Variants in ZNF131 observed in about 807,000 individuals in gnomAD.
ZNF131 encodes zinc finger protein 131.
In ZNF131, 7 loss-of-function variants were observed where a neutral mutation model predicts 60.0. The observed-to-expected ratio is 0.12, with a 90% CI of 0.07 to 0.22. The LOEUF is 0.22. Ranked by LOEUF, ZNF131 falls within the 10% of genes least tolerant of loss-of-function variation. ZNF131 has a pLI of 1.00. For synonymous variants in ZNF131, 257 were observed against 253.2 expected (o/e 1.01, Z -0.14); for missense variants, 493 against 740.9 (o/e 0.67, Z 3.88).
At chr5:43,147,847 G>A (rs1226716978) in intron 4 of ZNF131, among the ~76,000 whole-genome samples, 2 of 151,804 alleles carry the variant, frequency 1.3e-5, no homozygotes, top group Middle Eastern at 3.4e-3. Flanking sequence ...CTGAGGTCAC[G>A]AGTTTGAGAC....
At chr5:43,130,379 T>A (rs916901707) in intron 3 of ZNF131, among the ~76,000 whole-genome samples, 1 of 151,252 alleles carries the variant, frequency 6.6e-6, no homozygotes, top group Non-Finnish European at 1.5e-5. Flanking sequence ...AAAGAAATAA[T>A]GTATACATTT....
At chr5:43,131,319 T>G (rs1745326988) in intron 3 of ZNF131, among the ~76,000 whole-genome samples, 1 of 151,978 alleles carries the variant, frequency 6.6e-6, no homozygotes, top group Non-Finnish European at 1.5e-5. Flanking sequence ...ATTACAGGCG[T>G]GCACCACCAC....
rs36054171 is a variant in ZNF131, at chr5:43,149,260, G to GAA, written c.371+9962_371+9963dup. Among the ~76,000 whole-genome samples, 3 of 142,122 alleles carry GAA rather than the reference G, an allele frequency of 2.1e-5. No individual in the cohort carries two copies. In the South Asian group the frequency reaches 6.6e-4, roughly 31 times the overall value. The allele number at this position is 142,122 out of a possible 152,430, so 93.2% of individuals were successfully genotyped here. A position where few individuals can be genotyped will look rare whatever the true frequency, so the allele number is the denominator to read the frequency against. The stretch of plus-strand genomic sequence containing the variant: ...CACTCCAGCCTGGGAGACAGAGGGA[G>GAA]AAAAAAAAAAAAGGCTGGGCACGGT... On this transcript the variant is annotated intron_variant, in intron 4 of 6. Coordinates refer to ENST00000682664, the MANE Select transcript of ZNF131 (RefSeq NM_001330707.2).
At chr5:43,123,353 G>A in intron 3 of ZNF131, 43 bp downstream of exon 3, 2 of 1,517,106 alleles carry the variant, frequency 1.3e-6, no homozygotes, top group Middle Eastern at 1.7e-4. Context: ...AATCAAAGAA[G>A]CCATTTTATT....
intron 5 of ZNF131, among the ~76,000 whole-genome samples, chr5:43,168,467 G>T (rs1040318123): frequency 5.3e-5 from 8 of 152,196 alleles, no homozygotes; most frequent in African/African-American, 1.9e-4. Flanking sequence ...TGGCCAAAGG[G>T]GTTGGAAGGG....
Position 43,134,693 on chromosome 5 carries a change from C to CTTTTT in ZNF131, c.227-4454_227-4450dup, listed in dbSNP as rs149464238. Among the ~76,000 whole-genome samples, 96 of 88,402 alleles carry CTTTTT rather than the reference C, an allele frequency of 1.1e-3. 2 individuals are homozygous for CTTTTT. Among genetic ancestry groups the CTTTTT allele is most frequent in the Admixed American group, 2.4e-3 (14 of 5,896 alleles). The allele number at this position is 88,402 out of a possible 152,430, so 58.0% of individuals were successfully genotyped here. ...AAAAGTCAGTTGCTTTTCTTTTTTT[C>CTTTTT]TTTTTTTTTTTTTTTTTTTTTTGGG... On this transcript the variant is annotated intron_variant, in intron 3 of 6. Transcript: ENST00000682664.
chr5:43,130,277 AAAAAAG>A (rs1385155525), intron 3 of ZNF131, among the ~76,000 whole-genome samples: 2 of 148,558 alleles, frequency 1.3e-5, no homozygotes, highest in Non-Finnish European at 3.0e-5. Context: ...AAAAAAAAAA[AAAAAAG>A]AGGAAAGTAG....
At chr5:43,131,642 C>T (rs1745369701) in intron 3 of ZNF131, among the ~76,000 whole-genome samples, 1 of 152,142 alleles carries the variant, frequency 6.6e-6, no homozygotes, top group South Asian at 2.1e-4. Flanking sequence ...TTAAGATTTT[C>T]TAGCTAATAT....
chr5:43,130,653 C>T (rs1745226035), intron 3 of ZNF131, among the ~76,000 whole-genome samples: 1 of 151,854 alleles, frequency 6.6e-6, no homozygotes, highest in Admixed American at 6.6e-5. Flanking sequence ...CAACCTCCGC[C>T]TCCCGGGTTC....
At position 43,140,993 on chromosome 5, in the gene ZNF131, A is replaced by G. The variant is rs2112268114; in HGVS notation, c.371+1684A>G. 1.3e-5 allele frequency among the ~76,000 whole-genome samples: 2 copies of G among 152,326 alleles called. 1 individual carries two copies. On this transcript the variant is annotated intron_variant, in intron 4 of 6. Transcript: ENST00000682664. ...CTCAGCCTCCCAAAGTGCTGGGATT[A>G]CAGGTGTGAGCCACTGTGACTGGCC...
At chr5:43,126,228 T>C (rs1744532094) in intron 3 of ZNF131, among the ~76,000 whole-genome samples, 2 of 152,244 alleles carry the variant, frequency 1.3e-5, no homozygotes, top group South Asian at 4.1e-4. Flanking sequence ...CATTTGAATA[T>C]TTTGTTACAA....
At chr5:43,169,264 G>A (rs778292222) in intron 5 of ZNF131, among the ~76,000 whole-genome samples, 8 of 152,116 alleles carry the variant, frequency 5.3e-5, no homozygotes, top group Non-Finnish European at 7.4e-5. Flanking sequence ...TGATGAAAGC[G>A]CATTGAAAAC....
chr5:43,139,354 T>G, intron 4 of ZNF131, 45 bp downstream of exon 4: 1 of 1,485,462 alleles, frequency 6.7e-7, no homozygotes, highest in Non-Finnish European at 9.0e-7. Context: ...TATTCAGTCA[T>G]GTTCATTCTG....
chr5:43,144,136 A>G (rs984085018), intron 4 of ZNF131, among the ~76,000 whole-genome samples: 1 of 144,762 alleles, frequency 6.9e-6, no homozygotes, highest in African/African-American at 2.5e-5. Context: ...GTTAGCCAGG[A>G]TGGTCTCGAT....
intron 5 of ZNF131, among the ~76,000 whole-genome samples, chr5:43,172,142 A>G (rs562544843): frequency 4.8e-4 from 73 of 152,252 alleles, no homozygotes; most frequent in African/African-American, 1.5e-3. Flanking sequence ...TTCTGATCCA[A>G]TTACATCACT....
At chr5:43,138,670 A>C (rs1579767151) in intron 3 of ZNF131, among the ~76,000 whole-genome samples, 1 of 152,316 alleles carries the variant, frequency 6.6e-6, no homozygotes, top group East Asian at 1.9e-4. Flanking sequence ...AATAAAGGCA[A>C]GTCAGCTATT....
intron 4 of ZNF131, among the ~76,000 whole-genome samples, chr5:43,146,413 T>C (rs1008406353): frequency 1.3e-5 from 2 of 152,084 alleles, no homozygotes; most frequent in Admixed American, 6.5e-5. Context: ...GGTGAAACCC[T>C]GTCTCTACTA....
intron 3 of ZNF131, among the ~76,000 whole-genome samples, chr5:43,125,924 C>T (rs1744494356): frequency 6.6e-6 from 1 of 152,106 alleles, no homozygotes; most frequent in Non-Finnish European, 1.5e-5. Context: ...ACACACAAGT[C>T]TTCAGTATTT....
chr5:43,147,605 A>G (rs554377032), intron 4 of ZNF131, among the ~76,000 whole-genome samples: 1 of 151,136 alleles, frequency 6.6e-6, no homozygotes, highest in Non-Finnish European at 1.5e-5. Flanking sequence ...TATTTTTAGT[A>G]GAGATGGGGT....
Sources: gnomAD v4.1 joint callset for allele counts (sites outside exome capture counted in the v4.1 genomes callset) on GRCh38, gnomAD v4.1.1 for gene constraint, MANE v1.5 for transcripts, NCBI Gene and HGNC (gene_info 2026-07-23, HGNC 2026-07-21) for gene names.